Variants in UBAC2 observed in about 807,000 individuals in gnomAD.
UBAC2 encodes UBA domain containing 2.
In UBAC2, 26 loss-of-function variants were observed where a neutral mutation model predicts 44.0. The ratio of observed to expected loss-of-function variants is 0.59; its 90% CI spans 0.43 to 0.82. UBAC2 has a LOEUF of 0.82. Among genes scored for constraint, UBAC2 ranks in the 40% least tolerant of loss-of-function variants. The pLI, the probability that UBAC2 is intolerant of heterozygous loss-of-function variation, is 0.00. For synonymous variants in UBAC2, 155 were observed against 154.3 expected, an observed-to-expected ratio of 1.00 and a Z score of -0.04; for missense variants, 329 against 419.4, an observed-to-expected ratio of 0.78 and a Z score of 1.88.
At chr13:99,311,483 G>T (rs1171146244) in intron 4 of UBAC2, among the ~76,000 whole-genome samples, 1 of 152,180 alleles carries the variant, frequency 6.6e-6, no homozygotes, top group Non-Finnish European at 1.5e-5. Flanking sequence ...TGAAAAGAAG[G>T]CCCAGCTGTT....
chr13:99,341,617 G>T (rs867462618), intron 7 of UBAC2, among the ~76,000 whole-genome samples: 3 of 152,152 alleles, frequency 2.0e-5, no homozygotes, highest in Middle Eastern at 3.2e-3. Flanking sequence ...ATAGGTGATG[G>T]AGTCACCTCT....
chr13:99,282,154 A>G (rs1298995363), intron 4 of UBAC2, among the ~76,000 whole-genome samples: 1 of 152,170 alleles, frequency 6.6e-6, no homozygotes, highest in East Asian at 1.9e-4. Flanking sequence ...GCTGTTAGCA[A>G]AACCTCCTTT....
At chr13:99,339,568 T>G (rs981097443) in intron 6 of UBAC2, among the ~76,000 whole-genome samples, 9 of 152,232 alleles carry the variant, frequency 5.9e-5, no homozygotes, top group Non-Finnish European at 1.0e-4. Context: ...AGTATACTTT[T>G]CTCATATTAG....
chr13:99,327,154 C>G (rs189675063), intron 6 of UBAC2, among the ~76,000 whole-genome samples: 7 of 152,292 alleles, frequency 4.6e-5, no homozygotes, highest in African/African-American at 1.7e-4. Context: ...AGCAAACTCA[C>G]TGTCTTGTAT....
At chr13:99,345,049 A>T (rs893796309) in intron 7 of UBAC2, among the ~76,000 whole-genome samples, 2 of 152,108 alleles carry the variant, frequency 1.3e-5, no homozygotes, top group African/African-American at 4.8e-5. Context: ...CAGGAAGTAG[A>T]AGGACGGGTG....
intron 4 of UBAC2, among the ~76,000 whole-genome samples, chr13:99,290,025 C>T (rs1382555010): frequency 7.9e-5 from 12 of 152,166 alleles, no homozygotes; most frequent in Admixed American, 7.9e-4. Flanking sequence ...TGGAACATAT[C>T]TGTTTATTTG....
At chr13:99,236,988 TAAAAC>T (rs1416780484) in intron 1 of UBAC2, among the ~76,000 whole-genome samples, 1 of 147,096 alleles carries the variant, frequency 6.8e-6, no homozygotes, top group Non-Finnish European at 1.5e-5. Context: ...AAAAAAAAAA[TAAAAC>T]TACCATATGA....
At chr13:99,224,501 A>C (rs2043089060) in intron 1 of UBAC2, among the ~76,000 whole-genome samples, 2 of 152,162 alleles carry the variant, frequency 1.3e-5, no homozygotes, top group African/African-American at 2.4e-5. Flanking sequence ...GTCCCATTTC[A>C]GTTCTATTAA....
intron 7 of UBAC2, among the ~76,000 whole-genome samples, chr13:99,365,927 A>G (rs949555984): frequency 2.0e-5 from 3 of 152,156 alleles, no homozygotes; most frequent in South Asian, 4.1e-4. Flanking sequence ...TTACATATAA[A>G]TATGATATTC....
At chr13:99,318,498 G>A (rs1223642656) in intron 6 of UBAC2, among the ~76,000 whole-genome samples, 1 of 150,920 alleles carries the variant, frequency 6.6e-6, no homozygotes, top group African/African-American at 2.4e-5. Context: ...GGCAGGTCTG[G>A]CTCAATGTTA....
intron 1 of UBAC2, among the ~76,000 whole-genome samples, chr13:99,226,926 C>A (rs185118613): frequency 6.6e-6 from 1 of 152,136 alleles, no homozygotes; most frequent in Non-Finnish European, 1.5e-5. Flanking sequence ...TGGCTGGGCG[C>A]GGTGGCTCAT....
At chr13:99,358,867 C>T (rs2045226302) in intron 7 of UBAC2, among the ~76,000 whole-genome samples, 1 of 152,126 alleles carries the variant, frequency 6.6e-6, no homozygotes, top group African/African-American at 2.4e-5. Flanking sequence ...CGTGTTCTAT[C>T]TTAGGTGTCT....
At chr13:99,201,705 T>A in intron 1 of UBAC2, 1 of 844,286 alleles carries the variant, frequency 1.2e-6, no homozygotes, top group Non-Finnish European at 1.8e-6. Context: ...ATTTTGCAAT[T>A]GCTTGTCACT....
chr13:99,336,671 C>T (rs1430398925), intron 6 of UBAC2, among the ~76,000 whole-genome samples: 1 of 152,170 alleles, frequency 6.6e-6, no homozygotes, highest in African/African-American at 2.4e-5. Flanking sequence ...AAAGACCACA[C>T]TGTTTTAGGT....
chr13:99,365,738 A>G (rs2045321682), intron 7 of UBAC2, among the ~76,000 whole-genome samples: 1 of 152,194 alleles, frequency 6.6e-6, no homozygotes, highest in Non-Finnish European at 1.5e-5. Context: ...TTCTCTAAAT[A>G]TTAAATGCAA....
Position 99,201,703 on chromosome 13 carries a change from A to G in UBAC2, c.31+764A>G, listed in dbSNP as rs576232648. On this transcript the variant is annotated intron_variant, in intron 1 of 8. Coordinates refer to ENST00000403766, the MANE Select transcript of UBAC2 (RefSeq NM_001144072.2). ...AACGGAGAACAGCTCTAATTTTGCA[A>G]TTGCTTGTCACTGTTCATACTCCAT... 57 of 879,768 alleles carry G rather than the reference A, an allele frequency of 6.5e-5. 3 individuals carry two copies. The South Asian group carries it at 7.5e-4, about 12-fold the overall frequency. 54.5% of individuals were successfully genotyped at this position (879,768 alleles called of 1,614,324 possible).
chr13:99,338,047 C>CTTTTTTTTTTTTTTTTTTTTT lies in UBAC2; in HGVS notation c.562-2265_562-2245dup, dbSNP rs869112086. ...ATCTCCTAACTTTTTTTCTTTTTTTCTTTTTTTTTTTTTTTTTTTTTTTTT... is the reference window on the plus strand; with the variant it reads ...ATCTCCTAACTTTTTTTCTTTTTTTCTTTTTTTTTTTTTTTTTTTTTTTTTTTTTTTTTTTTTTTTTTTTTT... On this transcript the variant is annotated intron_variant, in intron 6 of 8. Coordinates refer to ENST00000403766, the MANE Select transcript of UBAC2 (RefSeq NM_001144072.2). Among the ~76,000 whole-genome samples, 30 of 48,866 alleles carry CTTTTTTTTTTTTTTTTTTTTT rather than the reference C, an allele frequency of 6.1e-4. 2 individuals are homozygous for CTTTTTTTTTTTTTTTTTTTTT. The highest frequency in any genetic ancestry group is 0.02 in the Middle Eastern group (1 of 50). 32.1% of individuals were successfully genotyped at this position (48,866 alleles called of 152,430 possible).
chr13:99,371,988 G>GT (rs1311783782), intron 8 of UBAC2, among the ~76,000 whole-genome samples: 2 of 152,164 alleles, frequency 1.3e-5, no homozygotes, highest in African/African-American at 4.8e-5. Context: ...ATCCACTCCC[G>GT]TTTTTTGGTG....
intron 4 of UBAC2, among the ~76,000 whole-genome samples, chr13:99,266,739 A>T (rs982318843): frequency 6.6e-6 from 1 of 152,176 alleles, no homozygotes; most frequent in African/African-American, 2.4e-5. Flanking sequence ...TTAAATGTGC[A>T]GTTCAGTAGT....
Sources: gnomAD v4.1 joint callset for allele counts (sites outside exome capture counted in the v4.1 genomes callset) on GRCh38, gnomAD v4.1.1 for gene constraint, MANE v1.5 for transcripts, NCBI Gene and HGNC (gene_info 2026-07-23, HGNC 2026-07-21) for gene names.